Variants in CRB3 observed in about 807,000 individuals in gnomAD.
The protein encoded by CRB3 is protein crumbs homolog 3.
CRB3 carries 4 observed loss-of-function variants against 10.4 expected under a neutral mutation model. The observed-to-expected ratio is 0.39, with a 90% CI of 0.19 to 0.88. The LOEUF (loss-of-function observed/expected upper bound fraction) is 0.88, where lower values mean the gene tolerates loss of function less well. CRB3 is among the 40% of genes least tolerant of loss of function. The probability of loss-of-function intolerance (pLI) is 0.39; values close to 1 mark genes in which losing one functional copy is unlikely to be tolerated. For missense variants in CRB3, 154 were observed against 160.2 expected, an observed-to-expected ratio of 0.96 and a Z score of 0.21; for synonymous variants, 74 against 73.4, an observed-to-expected ratio of 1.01 and a Z score of -0.04.
chr19:6,467,038 TC>T lies in CRB3; in HGVS notation c.*367del, dbSNP rs752177098. The stretch of plus-strand genomic sequence containing the variant: ...GCCCATCTAGGTCCCCTCTCCTGCA[TC>T]TGTCTCCCTTCATTGCTGTGTGACC... On this transcript the variant is annotated 3_prime_UTR_variant, in exon 4 of 4. Transcript: ENST00000600229. The T allele has an allele frequency of 6.2e-7, 1 of 1,610,800 alleles. No individual in the cohort carries two copies. Among genetic ancestry groups the T allele is most frequent in the South Asian group, 1.1e-5 (1 of 90,980 alleles).
At position 6,467,069 on chromosome 19, in the gene CRB3, G is replaced by A; in HGVS notation, c.*397G>A. ...TCCCTTCATTGCTGTGTGACCTTGG[G>A]GAAAGGCAGTGCCCTCTCTGGGCAG... On this transcript the variant is annotated 3_prime_UTR_variant, in exon 4 of 4. Transcript: ENST00000600229. 1 of 1,567,678 alleles carries A rather than the reference G, an allele frequency of 6.4e-7. No homozygotes were observed. Among genetic ancestry groups the A allele is most frequent in the Non-Finnish European group, 8.8e-7 (1 of 1,139,922 alleles).
In CRB3 at chr19:6,467,121, G is replaced by A; in HGVS notation, c.*449G>A. 1.9e-6 allele frequency: 2 copies of A among 1,066,170 alleles called. No homozygotes were observed. Among genetic ancestry groups the A allele is most frequent in the Non-Finnish European group, 2.8e-6 (2 of 709,778 alleles). The allele number at this position is 1,066,170 out of a possible 1,614,324, so 66.0% of individuals were successfully genotyped here. On this transcript the variant is annotated 3_prime_UTR_variant, in exon 4 of 4. Coordinates refer to ENST00000600229, the MANE Select transcript of CRB3 (RefSeq NM_139161.5). ...CAGATCCACCCAGTGCTTAATAGCA[G>A]GGAAGAAGGTACTTCAAAGACTCTG...
At position 6,467,110 on chromosome 19, in the gene CRB3, G is replaced by A; in HGVS notation, c.*438G>A. The A allele has an allele frequency of 8.4e-7, 1 of 1,191,524 alleles. No individual in the cohort carries two copies. Among genetic ancestry groups the A allele is most frequent in the Non-Finnish European group, 1.2e-6 (1 of 815,684 alleles). 73.8% of individuals were successfully genotyped at this position (1,191,524 alleles called of 1,614,324 possible). A position where few individuals can be genotyped will look rare whatever the true frequency, so the allele number is the denominator to read the frequency against. ...CTCTGGGCAGTCAGATCCACCCAGT[G>A]CTTAATAGCAGGGAAGAAGGTACTT... On this transcript the variant is annotated 3_prime_UTR_variant, in exon 4 of 4. Transcript: ENST00000600229.
chr19:6,464,760 G>A lies in CRB3; in HGVS notation c.59G>A (p.Arg20His), dbSNP rs866696831. 7 of 1,268,056 alleles carry A rather than the reference G, an allele frequency of 5.5e-6. No homozygotes were observed. The highest frequency in any genetic ancestry group is 5.8e-5 in the East Asian group (2 of 34,390). The allele number at this position is 1,268,056 out of a possible 1,614,324, so 78.6% of individuals were successfully genotyped here. A position where few individuals can be genotyped will look rare whatever the true frequency, so the allele number is the denominator to read the frequency against. The change falls in exon 2 of 4, where the codon CGC becomes CAC. Residue 20 changes from arginine (R) to histidine (H), a missense_variant. By Grantham distance (29) the Arg-to-His change is conservative. Coordinates refer to ENST00000600229, the MANE Select transcript of CRB3 (RefSeq NM_139161.5). This position sits in a 1 kb window ranked among gnomAD's most constrained non-coding sequence, Gnocchi z 5.3. The stretch of plus-strand genomic sequence containing the variant: ...CTGGGCCTGCCGTTCCTGCTGGCCC[G>A]CTGGGGCCGAGCCTGGGGGCAAAGT... Reference protein sequence around the residue: ...LALGLPFLLARWGRAWGQIQT... With the variant: ...LALGLPFLLAHWGRAWGQIQT...
In CRB3 at chr19:6,466,961, C is replaced by T; in HGVS notation, c.*289C>T. 1 of 1,613,972 alleles carries T rather than the reference C, an allele frequency of 6.2e-7. No homozygotes were observed. Among genetic ancestry groups the T allele is most frequent in the East Asian group, 2.2e-5 (1 of 44,862 alleles). On this transcript the variant is annotated 3_prime_UTR_variant, in exon 4 of 4. Coordinates refer to ENST00000600229, the MANE Select transcript of CRB3 (RefSeq NM_139161.5). This position sits in a 1 kb window ranked among gnomAD's most constrained non-coding sequence, Gnocchi z 4.9. ...TCTCCTTTCTTTCAGTTCTCCCATG[C>T]AGCCGAGGCCCGGGCCCCTCAGGAC...
In CRB3 at chr19:6,466,953, C is replaced by A. The variant is rs866078244; in HGVS notation, c.*281C>A. ...CAACCCCCTCTCCTTTCTTTCAGTT[C>A]TCCCATGCAGCCGAGGCCCGGGCCC... On this transcript the variant is annotated 3_prime_UTR_variant, in exon 4 of 4. Coordinates refer to ENST00000600229, the MANE Select transcript of CRB3 (RefSeq NM_139161.5). The surrounding 1 kb of genome is among the most constrained non-coding windows in gnomAD (Gnocchi z 4.9). 2 of 1,613,810 alleles carry A rather than the reference C, an allele frequency of 1.2e-6. No individual in the cohort carries two copies. Among genetic ancestry groups the A allele is most frequent in the African/African-American group, 2.7e-5 (2 of 74,876 alleles).
At chr19:6,465,658 G>A (rs2092790711) in intron 3 of CRB3, 40 bp downstream of exon 3, 1 of 1,503,236 alleles carries the variant, frequency 6.7e-7, no homozygotes, top group Non-Finnish European at 9.3e-7. Flanking sequence ...CAGCAAGGAT[G>A]TTATCTAGGG....
At position 6,464,404 on chromosome 19, in the gene CRB3, C is replaced by T. The variant is rs528839627; in HGVS notation, c.-95+54C>T. The stretch of plus-strand genomic sequence containing the variant: ...TGCCCCCTCGCCCGTCCACCCTGCC[C>T]GTCCCGTCCCGTCCCGTCCCGTCCC... On this transcript the variant is annotated intron_variant, in intron 1 of 3. Transcript: ENST00000600229. The surrounding 1 kb of genome is among the most constrained non-coding windows in gnomAD (Gnocchi z 5.3). 3.8e-4 allele frequency: 111 copies of T among 292,608 alleles called. No individual in the cohort carries two copies. The highest frequency in any genetic ancestry group is 2.2e-3 in the African/African-American group (102 of 46,026). 18.1% of individuals were successfully genotyped at this position (292,608 alleles called of 1,614,324 possible).
In CRB3 at chr19:6,466,008, G is replaced by T. The variant is rs144227833; in HGVS notation, c.156+390G>T. Among the ~76,000 whole-genome samples, 119 of 152,170 alleles carry T rather than the reference G, an allele frequency of 7.8e-4. 2 individuals carry two copies. The highest frequency in any genetic ancestry group is 2.9e-3 in the African/African-American group (119 of 41,506). ...GAGGTCAGGAGTTTGAAACCAGCAC[G>T]GCCAACATGGTGAAACCCTGTCTCT... is the stretch of plus-strand genomic sequence containing the variant. On this transcript the variant is annotated intron_variant, in intron 3 of 3. Transcript: ENST00000600229. The surrounding 1 kb of genome is among the most constrained non-coding windows in gnomAD (Gnocchi z 4.9).
At chr19:6,465,343 G>GT (rs2092789225) in intron 2 of CRB3, 1 of 616,864 alleles carries the variant, frequency 1.6e-6, no homozygotes, top group Non-Finnish European at 2.9e-6. Context: ...GGACTGGGTC[G>GT]GGGGGGTGTC....
In CRB3 at chr19:6,467,199, A is replaced by G; in HGVS notation, c.*527A>G. On this transcript the variant is annotated 3_prime_UTR_variant, in exon 4 of 4. Transcript: ENST00000600229. The stretch of plus-strand genomic sequence containing the variant: ...ATTCACTTTTATATATTTATATAAA[A>G]TTAGTAGTGAGATGTAACAAAAGCT... The G allele has an allele frequency of 1.9e-6, 1 of 536,884 alleles. No homozygotes were observed. The highest frequency in any genetic ancestry group is 3.1e-6 in the Non-Finnish European group (1 of 317,866). 33.3% of individuals were successfully genotyped at this position (536,884 alleles called of 1,614,324 possible).
chr19:6,464,466 T>C lies in CRB3; in HGVS notation c.-95+116T>C. 2.7e-6 allele frequency: 1 copy of C among 373,172 alleles called. No homozygotes were observed. Among genetic ancestry groups the C allele is most frequent in the Non-Finnish European group, 4.8e-6 (1 of 210,316 alleles). 23.1% of individuals were successfully genotyped at this position (373,172 alleles called of 1,614,324 possible). ...CAGCCCAGGAACGCGCTCCTGGGAGTTAATCTTTAATCGCTGACCTCTGGC... is the reference window on the plus strand; with the variant it reads ...CAGCCCAGGAACGCGCTCCTGGGAGCTAATCTTTAATCGCTGACCTCTGGC... On this transcript the variant is annotated intron_variant, in intron 1 of 3. Transcript: ENST00000600229. This position sits in a 1 kb window ranked among gnomAD's most constrained non-coding sequence, Gnocchi z 5.3.
chr19:6,466,111 G>A lies in CRB3; in HGVS notation c.157-355G>A, dbSNP rs572508980. 6.6e-5 allele frequency among the ~76,000 whole-genome samples: 10 copies of A among 152,186 alleles called. No individual in the cohort carries two copies. Among genetic ancestry groups the A allele is most frequent in the African/African-American group, 1.9e-4 (8 of 41,524 alleles). On this transcript the variant is annotated intron_variant, in intron 3 of 3. Coordinates refer to ENST00000600229, the MANE Select transcript of CRB3 (RefSeq NM_139161.5). This position sits in a 1 kb window ranked among gnomAD's most constrained non-coding sequence, Gnocchi z 4.9. ...GCTACTTGGGAGGCTGAGGCAGGGG[G>A]AATTGCTTGAGCCCAGAAGGCGGAG...
chr19:6,464,809 G>C lies in CRB3; in HGVS notation c.82+26G>C, dbSNP rs1045419578. 1.5e-5 allele frequency: 19 copies of C among 1,228,352 alleles called. No homozygotes were observed. The South Asian group carries it at 1.6e-4, about 10-fold the overall frequency. The allele number at this position is 1,228,352 out of a possible 1,614,324, so 76.1% of individuals were successfully genotyped here. A position where few individuals can be genotyped will look rare whatever the true frequency, so the allele number is the denominator to read the frequency against. ...GTAGGTACCAGCTGAGAGCGCTGGG[G>C]GGGAGGGGTCTGGATTCCTGGATCT... On this transcript the variant is annotated intron_variant, in intron 2 of 3. Coordinates refer to ENST00000600229, the MANE Select transcript of CRB3 (RefSeq NM_139161.5). The surrounding 1 kb of genome is among the most constrained non-coding windows in gnomAD (Gnocchi z 5.3).
chr19:6,464,562 C>T lies in CRB3; in HGVS notation c.-94-46C>T, dbSNP rs2092785498. The T allele has an allele frequency of 2.1e-6, 1 of 472,470 alleles. No homozygotes were observed. Among genetic ancestry groups the T allele is most frequent in the Non-Finnish European group, 3.4e-6 (1 of 294,980 alleles). 29.3% of individuals were successfully genotyped at this position (472,470 alleles called of 1,614,324 possible). ...TCTCCTGTGGGCCTGCGCCGGGGTC[C>T]CCACCCCGATCCCAACGCCTGGGCC... is the stretch of plus-strand genomic sequence containing the variant. On this transcript the variant is annotated intron_variant, in intron 1 of 3. Transcript: ENST00000600229. The surrounding 1 kb of genome is among the most constrained non-coding windows in gnomAD (Gnocchi z 5.3).
In CRB3 at chr19:6,466,194, C is replaced by T. The variant is rs975944338; in HGVS notation, c.157-272C>T. 9.9e-5 allele frequency among the ~76,000 whole-genome samples: 15 copies of T among 151,330 alleles called. No homozygotes were observed. The highest frequency in any genetic ancestry group is 1.5e-4 in the African/African-American group (6 of 41,176). ...CCAGCCTGGGCAACAGAGCAAGACT[C>T]GGTCTCAAAAAAAAAAGCCGGAGTC... On this transcript the variant is annotated intron_variant, in intron 3 of 3. Coordinates refer to ENST00000600229, the MANE Select transcript of CRB3 (RefSeq NM_139161.5). The surrounding 1 kb of genome is among the most constrained non-coding windows in gnomAD (Gnocchi z 4.9).
In CRB3 at chr19:6,466,289, A is replaced by G. The variant is rs1279227572; in HGVS notation, c.157-177A>G. Among the ~76,000 whole-genome samples, 1 of 151,814 alleles carries G rather than the reference A, an allele frequency of 6.6e-6. No homozygotes were observed. Among genetic ancestry groups the G allele is most frequent in the East Asian group, 1.9e-4 (1 of 5,176 alleles). Reference sequence around the variant, plus strand: ...GTGGTGGGGAGCCTTCGCACCCCAGACAAGGTAGGTAGGGATCCAGGAAGC... The same window carrying G: ...GTGGTGGGGAGCCTTCGCACCCCAGGCAAGGTAGGTAGGGATCCAGGAAGC... On this transcript the variant is annotated intron_variant, in intron 3 of 3. Transcript: ENST00000600229. The surrounding 1 kb of genome is among the most constrained non-coding windows in gnomAD (Gnocchi z 4.9).
Position 6,466,949 on chromosome 19 carries a change from A to G in CRB3, c.*277A>G. On this transcript the variant is annotated 3_prime_UTR_variant, in exon 4 of 4. Transcript: ENST00000600229. This position sits in a 1 kb window ranked among gnomAD's most constrained non-coding sequence, Gnocchi z 4.9. ...CCCACAACCCCCTCTCCTTTCTTTC[A>G]GTTCTCCCATGCAGCCGAGGCCCGG... The G allele has an allele frequency of 2.5e-6, 4 of 1,613,320 alleles. No homozygotes were observed. The South Asian group carries it at 4.4e-5, about 18-fold the overall frequency.
rs1398264910 is a variant in CRB3 at position 6,465,593 on chromosome 19, C to T, written c.131C>T (p.Thr44Ile). Residue 44 changes from threonine (T) to isoleucine (I), a missense_variant, in exon 3 of 4, where the codon ACC (threonine) becomes ATC (isoleucine). Thr to Ile is a moderately conservative substitution (Grantham distance 89, BLOSUM62 -1). Transcript: ENST00000600229. ...NENSTVLPSSTSSSSDGNLRP... is the reference protein window; with the variant it reads ...NENSTVLPSSISSSSDGNLRP... ...AATAGCACTGTTTTGCCTTCATCCA[C>T]CAGCTCCAGCTCCGATGGCAACCTG... 1.2e-6 allele frequency: 2 copies of T among 1,613,964 alleles called. No homozygotes were observed. Among genetic ancestry groups the T allele is most frequent in the Non-Finnish European group, 1.7e-6 (2 of 1,179,854 alleles).
Sources: allele counts gnomAD v4.1 joint callset (sites outside exome capture counted in the v4.1 genomes callset), GRCh38; gene constraint gnomAD v4.1.1; non-coding constraint Gnocchi (gnomAD v3.1); transcripts MANE v1.5; gene names NCBI Gene and HGNC (gene_info 2026-07-23, HGNC 2026-07-21).